The following CMSS1 variants were observed in gnomAD, a reference collection of about 807,000 sequenced individuals.
CMSS1 encodes cms1 ribosomal small subunit homolog, also known as protein CMSS1.
CMSS1 carries 33 observed loss-of-function variants against 43.5 expected under a neutral mutation model. The ratio of observed to expected loss-of-function variants is 0.76; its 90% CI spans 0.57 to 1.01. The LOEUF is 1.01. CMSS1 is among the 50% of genes least tolerant of loss of function. CMSS1 has a pLI of 0.00. For synonymous variants in CMSS1, 115 were observed against 117.2 expected, an observed-to-expected ratio of 0.98 and a Z score of 0.12; for missense variants, 313 against 326.4, an observed-to-expected ratio of 0.96 and a Z score of 0.32.
At chr3:99,930,886 A>G in intron 1 of CMSS1, 1 of 1,613,148 alleles carries the variant, frequency 6.2e-7, no homozygotes, top group Non-Finnish European at 8.5e-7. Context: ...GAAGTATTAC[A>G]TCCGACTCAC....
At chr3:100,159,103 T>TA (rs2067001278) in intron 2 of CMSS1, among the ~76,000 whole-genome samples, 1 of 152,256 alleles carries the variant, frequency 6.6e-6, no homozygotes, top group Non-Finnish European at 1.5e-5. Context: ...GCACAGTCTC[T>TA]AATTGGCATG....
intron 1 of CMSS1, among the ~76,000 whole-genome samples, chr3:100,008,255 C>T (rs1344104661): frequency 6.6e-6 from 1 of 152,116 alleles, no homozygotes; most frequent in Non-Finnish European, 1.5e-5. Flanking sequence ...CCCCTGCTTC[C>T]CAATTAGATT....
chr3:100,115,617 C>CTCTCTCTG (rs2066558386), intron 1 of CMSS1, among the ~76,000 whole-genome samples: 17 of 140,604 alleles, frequency 1.2e-4, no homozygotes, highest in African/African-American at 4.6e-4. Flanking sequence ...CTCTCTCTCT[C>CTCTCTCTG]TCTCTCTCTC....
chr3:100,148,666 T>G (rs971751284), intron 2 of CMSS1, among the ~76,000 whole-genome samples: 6 of 152,338 alleles, frequency 3.9e-5, no homozygotes, highest in Admixed American at 1.3e-4. Flanking sequence ...GTAATGATGA[T>G]TAAATAAGAC....
chr3:100,010,087 A>G (rs933988485), intron 1 of CMSS1: 2 of 637,820 alleles, frequency 3.1e-6, no homozygotes, highest in Admixed American at 6.3e-5. Flanking sequence ...GTTGAGTACC[A>G]TACCAAGTTC....
intron 1 of CMSS1, among the ~76,000 whole-genome samples, chr3:99,858,176 C>T (rs1553689764): frequency 6.6e-6 from 1 of 152,072 alleles, no homozygotes; most frequent in Admixed American, 6.5e-5. Context: ...TTTAAAAATA[C>T]TCATTAGTGC....
At chr3:100,053,332 C>T (rs569246868) in intron 1 of CMSS1, among the ~76,000 whole-genome samples, 15 of 152,290 alleles carry the variant, frequency 9.8e-5, no homozygotes, top group African/African-American at 3.6e-4. Flanking sequence ...ATGCTTCCTT[C>T]AAAGGCCGTA....
chr3:100,002,057 T>C (rs1709858269), intron 1 of CMSS1, among the ~76,000 whole-genome samples: 1 of 152,198 alleles, frequency 6.6e-6, no homozygotes, highest in Non-Finnish European at 1.5e-5. Flanking sequence ...CGTGTGTGAC[T>C]GTTTGCAGCT....
chr3:100,126,658 T>A (rs899391473), intron 1 of CMSS1, among the ~76,000 whole-genome samples: 3 of 152,158 alleles, frequency 2.0e-5, no homozygotes, highest in African/African-American at 7.2e-5. Flanking sequence ...TTTTCTAGAA[T>A]AAGATGATCT....
intron 1 of CMSS1, among the ~76,000 whole-genome samples, chr3:99,838,656 C>T (rs975023536): frequency 1.6e-4 from 24 of 152,226 alleles, no homozygotes; most frequent in African/African-American, 5.3e-4. Context: ...TGTGTTGCCA[C>T]GGAAAGAGAA....
At chr3:100,145,793 A>G (rs894715657) in intron 1 of CMSS1, among the ~76,000 whole-genome samples, 2 of 152,246 alleles carry the variant, frequency 1.3e-5, no homozygotes, top group Non-Finnish European at 2.9e-5. Flanking sequence ...ATTTCAACCA[A>G]TTGGATGAGG....
At chr3:100,163,621 C>G (rs1198296064) in intron 4 of CMSS1, among the ~76,000 whole-genome samples, 2 of 152,142 alleles carry the variant, frequency 1.3e-5, no homozygotes, top group Non-Finnish European at 2.9e-5. Context: ...ACTGCAGCCT[C>G]GAACTCCTGG....
At chr3:100,123,882 C>T (rs1169931404) in intron 1 of CMSS1, among the ~76,000 whole-genome samples, 1 of 152,308 alleles carries the variant, frequency 6.6e-6, no homozygotes, top group East Asian at 1.9e-4. Flanking sequence ...TGTTCTTCAC[C>T]TTTGTTCCTG....
intron 1 of CMSS1, among the ~76,000 whole-genome samples, chr3:99,968,981 AT>A (rs1708735958): frequency 6.6e-6 from 1 of 151,910 alleles, no homozygotes; most frequent in Non-Finnish European, 1.5e-5. Flanking sequence ...AAAAAAATTC[AT>A]TTGATAAAAG....
chr3:99,840,446 A>C (rs1943085577), intron 1 of CMSS1, among the ~76,000 whole-genome samples: 1 of 150,894 alleles, frequency 6.6e-6, no homozygotes, highest in Non-Finnish European at 1.5e-5. Flanking sequence ...CTGGTCTTGA[A>C]CTCCTGACCT....
At chr3:100,153,859 CT>C (rs903244229) in intron 2 of CMSS1, among the ~76,000 whole-genome samples, 2 of 134,054 alleles carry the variant, frequency 1.5e-5, no homozygotes, top group Non-Finnish European at 3.3e-5. Context: ...TTTTTTTTTT[CT>C]TTTTTTTTAA....
chr3:100,181,335 G>A lies in CMSS1; in HGVS notation c.*2947G>A, dbSNP rs1381965612. On this transcript the variant is annotated 3_prime_UTR_variant, in exon 10 of 10. Transcript: ENST00000421999. ...CTATTTTGAAACTTCAGGCTTAATA[G>A]AAAAGTTTAAAAAATAGAGAATTCC... 1.3e-5 allele frequency: 2 copies of A among 152,124 alleles called. No individual in the cohort carries two copies. Among genetic ancestry groups the A allele is most frequent in the Non-Finnish European group, 2.9e-5 (2 of 68,006 alleles). 9.4% of individuals were successfully genotyped at this position (152,124 alleles called of 1,614,324 possible). A position where few individuals can be genotyped will look rare whatever the true frequency, so the allele number is the denominator to read the frequency against.
intron 1 of CMSS1, among the ~76,000 whole-genome samples, chr3:99,903,554 A>G (rs557845829): frequency 2.0e-5 from 3 of 152,244 alleles, no homozygotes; most frequent in Admixed American, 6.5e-5. Flanking sequence ...CCGGCCATGT[A>G]TGCATGTTTT....
At chr3:99,987,528 CAAA>C (rs1209242716) in intron 1 of CMSS1, among the ~76,000 whole-genome samples, 4 of 57,150 alleles carry the variant, frequency 7.0e-5, no homozygotes, top group Admixed American at 2.0e-4. Flanking sequence ...GATTCTGTCT[CAAA>C]AAAAAAAAAA....
Sources: gnomAD v4.1 joint callset for allele counts (sites outside exome capture counted in the v4.1 genomes callset) on GRCh38, gnomAD v4.1.1 for gene constraint, MANE v1.5 for transcripts, NCBI Gene and HGNC (gene_info 2026-07-23, HGNC 2026-07-21) for gene names.